STK3: variants seen among roughly 807,000 people sequenced by gnomAD.
STK3 encodes serine/threonine-protein kinase 3.
A neutral mutation model predicts 58.0 loss-of-function variants in STK3; 41 were observed. The ratio of observed to expected loss-of-function variants is 0.71; its 90% confidence interval spans 0.55 to 0.92. The LOEUF is 0.92. STK3 is among the 40% of genes least tolerant of loss of function. The pLI is 0.00. For missense variants in STK3, 479 were observed against 602.7 expected (o/e 0.79, Z 2.15); for synonymous variants, 170 against 191.0 (o/e 0.89, Z 0.91).
intron 4 of STK3, among the ~76,000 whole-genome samples, chr8:98,729,864 T>C (rs1828047165): frequency 6.6e-6 from 1 of 152,236 alleles, no homozygotes; most frequent in Non-Finnish European, 1.5e-5. Flanking sequence ...GCTCCACATT[T>C]CATGTTCTCA....
chr8:98,388,470 G>A (rs990903952), upstream of STK3, among the ~76,000 whole-genome samples: 5 of 152,162 alleles, frequency 3.3e-5, no homozygotes, highest in Admixed American at 6.5e-5. Context: ...CTTCTAATGC[G>A]ATGTATTTGG....
chr8:98,679,228 A>C (rs557622095), intron 6 of STK3, among the ~76,000 whole-genome samples: 4 of 152,326 alleles, frequency 2.6e-5, no homozygotes, highest in South Asian at 2.1e-4. Flanking sequence ...CTCATTCAGA[A>C]TAAAAGTCTA....
chr8:98,610,409 C>T (rs1053665053), intron 6 of STK3, among the ~76,000 whole-genome samples: 5 of 152,194 alleles, frequency 3.3e-5, no homozygotes, highest in Non-Finnish European at 5.9e-5. Context: ...ATATGCAATA[C>T]TGCCTAGCTT....
intron 1 of STK3, among the ~76,000 whole-genome samples, chr8:98,933,602 TG>T (rs552918130): frequency 1.0e-3 from 158 of 152,314 alleles, no homozygotes; most frequent in African/African-American, 3.7e-3. Flanking sequence ...GGGAAGCCCT[TG>T]GGGCTCATGT....
At chr8:98,460,411 C>A (rs1819859702) in intron 10 of STK3, among the ~76,000 whole-genome samples, 1 of 152,182 alleles carries the variant, frequency 6.6e-6, no homozygotes, top group African/African-American at 2.4e-5. Flanking sequence ...GTGGAAGGGA[C>A]TTGCCTTGTC....
intron 6 of STK3, among the ~76,000 whole-genome samples, chr8:98,697,764 A>T (rs898409264): frequency 9.9e-5 from 15 of 151,886 alleles, no homozygotes; most frequent in Admixed American, 6.6e-4. Flanking sequence ...TGCTGAGGAG[A>T]GCTTTACTTC....
chr8:98,439,048 C>G (rs1219484963), intron 1 of STK3: 2 of 152,180 alleles, frequency 1.3e-5, no homozygotes, highest in African/African-American at 4.8e-5. Flanking sequence ...ATTCTGCTTT[C>G]TGCCAGCCAA....
At chr8:98,664,852 A>G (rs1381081219) in intron 6 of STK3, among the ~76,000 whole-genome samples, 3 of 151,956 alleles carry the variant, frequency 2.0e-5, no homozygotes, top group Non-Finnish European at 4.4e-5. Flanking sequence ...GTGAGCCAAG[A>G]TCACACCATT....
At chr8:98,841,438 C>T (rs1835976792) in intron 3 of STK3, among the ~76,000 whole-genome samples, 1 of 151,892 alleles carries the variant, frequency 6.6e-6, no homozygotes, top group Non-Finnish European at 1.5e-5. Flanking sequence ...AAAAATAAAG[C>T]ATTATTTTAT....
At chr8:98,707,078 TGAA>T in intron 5 of STK3, 66 bp downstream of exon 5, 1 of 1,461,396 alleles carries the variant, frequency 6.8e-7, no homozygotes, top group Non-Finnish European at 9.1e-7. Context: ...AAAAAGTAAT[TGAA>T]GTTTAGTTAT....
rs565088011 is a variant in STK3 at position 98,917,211 on chromosome 8, C to T, written c.-79+25167G>A. ...ATGTTCCTGTTTAATTGCCTTGACA[C>T]ACAATAGGCACTTAACAAATATTTA... On this transcript the variant is annotated intron_variant, in intron 1 of 1. Transcript: ENST00000519420. 2.8e-4 allele frequency among the ~76,000 whole-genome samples: 42 copies of T among 152,274 alleles called. No individual in the cohort carries two copies. In the South Asian group the frequency reaches 8.3e-3, roughly 30 times the overall value.
At chr8:98,598,665 C>T (rs1816040130) in intron 6 of STK3, 9 of 985,358 alleles carry the variant, frequency 9.1e-6, no homozygotes, top group African/African-American at 1.7e-5. Context: ...CAGTGGCTCA[C>T]TTTAGACTAA....
intron 6 of STK3, chr8:98,597,198 C>T (rs757317490): frequency 1.6e-4 from 129 of 803,112 alleles, no homozygotes; most frequent in Non-Finnish European, 1.8e-4. Flanking sequence ...CTTTTGAATG[C>T]CCTCAGAATA....
chr8:98,361,828 C>A, the STK3 span, among the ~76,000 whole-genome samples: 1 of 152,178 alleles, frequency 6.6e-6, no homozygotes, highest in African/African-American at 2.4e-5. Context: ...CAGGGACAGG[C>A]CTTCAACATG....
At chr8:98,599,045 T>C (rs1395035583) in intron 6 of STK3, 3 of 283,190 alleles carry the variant, frequency 1.1e-5, no homozygotes, top group East Asian at 1.7e-4. Flanking sequence ...AGTCAACACA[T>C]GTCTGACTCT....
upstream of STK3, among the ~76,000 whole-genome samples, chr8:98,828,766 G>C (rs1224408189): frequency 6.6e-6 from 1 of 152,214 alleles, no homozygotes; most frequent in Non-Finnish European, 1.5e-5. Flanking sequence ...AGTTGTGATA[G>C]AGATACTGTC....
intron 1 of STK3, among the ~76,000 whole-genome samples, chr8:98,900,466 C>T (rs1458187881): frequency 1.3e-5 from 2 of 152,014 alleles, no homozygotes; most frequent in African/African-American, 2.4e-5. Flanking sequence ...ATGAAATCGC[C>T]CCACATCCAA....
chr8:98,809,781 A>G (rs1281481716), intron 1 of STK3, among the ~76,000 whole-genome samples: 2 of 152,214 alleles, frequency 1.3e-5, no homozygotes, highest in African/African-American at 4.8e-5. Flanking sequence ...GCTGTTGTAC[A>G]TAATGCTGCT....
chr8:98,850,759 G>A (rs1443502420), intron 3 of STK3, among the ~76,000 whole-genome samples: 1 of 152,180 alleles, frequency 6.6e-6, no homozygotes, highest in African/African-American at 2.4e-5. Context: ...CAGGGGCCGG[G>A]TCATCAACCA....
Sources: allele counts gnomAD v4.1 joint callset (sites outside exome capture counted in the v4.1 genomes callset), GRCh38; gene constraint gnomAD v4.1.1; transcripts MANE v1.5; gene names NCBI Gene and HGNC (gene_info 2026-07-23, HGNC 2026-07-21).